CPPED1: variants seen among roughly 807,000 people sequenced by gnomAD.
CPPED1 encodes the protein calcineurin like phosphoesterase domain containing 1.
CPPED1 carries 28 observed loss-of-function variants against 28.0 expected under a neutral mutation model. The observed-to-expected ratio is 1.00, with a 90% confidence interval of 0.74 to 1.37. The LOEUF (loss-of-function observed/expected upper bound fraction) is 1.37. Ranked by LOEUF, CPPED1 falls within the 40% of genes most tolerant of loss-of-function variation. The pLI is 0.00. For missense variants in CPPED1, 504 were observed against 416.5 expected, an observed-to-expected ratio of 1.21 and a Z score of -1.83; for synonymous variants, 198 against 180.2, an observed-to-expected ratio of 1.10 and a Z score of -0.79.
intron 1 of CPPED1, among the ~76,000 whole-genome samples, chr16:12,783,635 C>G (rs984063527): frequency 6.6e-6 from 1 of 152,026 alleles, no homozygotes; most frequent in African/African-American, 2.4e-5. Context: ...GGCCACTTTC[C>G]CACCCATCAC....
At chr16:12,764,294 C>A (rs1330549855) in intron 2 of CPPED1, among the ~76,000 whole-genome samples, 3 of 151,882 alleles carry the variant, frequency 2.0e-5, no homozygotes, top group South Asian at 4.2e-4. Context: ...ACCTCCACTT[C>A]CCAAGTTCAA....
chr16:12,749,077 G>A (rs1841663054), intron 2 of CPPED1, among the ~76,000 whole-genome samples: 1 of 152,092 alleles, frequency 6.6e-6, no homozygotes, highest in Admixed American at 6.6e-5. Flanking sequence ...GCTGAAAGGT[G>A]GGGTGGCTGG....
chr16:12,783,735 T>G (rs2080546335), intron 1 of CPPED1, among the ~76,000 whole-genome samples: 1 of 151,564 alleles, frequency 6.6e-6, no homozygotes, highest in Non-Finnish European at 1.5e-5. Flanking sequence ...AAAAAAAAAG[T>G]GAACAAAAAT....
chr16:12,687,295 A>G (rs895439279), intron 3 of CPPED1, among the ~76,000 whole-genome samples: 6 of 152,218 alleles, frequency 3.9e-5, no homozygotes, highest in African/African-American at 1.2e-4. Context: ...AAATATTAAC[A>G]TCTTGTAAGA....
intron 1 of CPPED1, among the ~76,000 whole-genome samples, chr16:12,798,439 C>T (rs2080639973): frequency 6.6e-6 from 1 of 152,180 alleles, no homozygotes. Flanking sequence ...TTGGAGATAC[C>T]TTTCCAGGTC....
chr16:12,724,530 C>T (rs1486468936), intron 2 of CPPED1, among the ~76,000 whole-genome samples: 2 of 152,184 alleles, frequency 1.3e-5, no homozygotes, highest in African/African-American at 4.8e-5. Flanking sequence ...TACAGCTTCC[C>T]GCACTCATCT....
intron 3 of CPPED1, among the ~76,000 whole-genome samples, chr16:12,672,108 T>C (rs547653976): frequency 4.5e-4 from 68 of 152,262 alleles, no homozygotes; most frequent in Non-Finnish European, 8.1e-4. Flanking sequence ...CATCTAGGTT[T>C]GTGTAAGGAC....
intron 3 of CPPED1, among the ~76,000 whole-genome samples, chr16:12,698,566 G>C (rs2080004410): frequency 6.6e-6 from 1 of 152,106 alleles, no homozygotes; most frequent in South Asian, 2.1e-4. Flanking sequence ...CAAGTAGCTG[G>C]GACTACAGGT....
At chr16:12,787,084 G>A (rs2080568009) in intron 1 of CPPED1, among the ~76,000 whole-genome samples, 1 of 152,132 alleles carries the variant, frequency 6.6e-6, no homozygotes, top group South Asian at 2.1e-4. Flanking sequence ...GCACAACAGA[G>A]AAGTCTGTAT....
chr16:12,755,755 G>C (rs866685341), intron 2 of CPPED1, among the ~76,000 whole-genome samples: 3 of 152,196 alleles, frequency 2.0e-5, no homozygotes, highest in Non-Finnish European at 4.4e-5. Context: ...GTTTGGGACA[G>C]CGTCATGTGA....
chr16:12,724,592 G>A (rs1169820420), intron 2 of CPPED1, among the ~76,000 whole-genome samples: 1 of 152,162 alleles, frequency 6.6e-6, no homozygotes, highest in East Asian at 1.9e-4. Flanking sequence ...CTTCCCTGGT[G>A]CTGTAGATGG....
At chr16:12,737,518 G>A (rs893245318) in intron 2 of CPPED1, among the ~76,000 whole-genome samples, 1 of 152,194 alleles carries the variant, frequency 6.6e-6, no homozygotes, top group African/African-American at 2.4e-5. Context: ...CAGAGCAACC[G>A]GCAGCCCCTG....
intron 2 of CPPED1, among the ~76,000 whole-genome samples, chr16:12,755,907 C>A (rs1479186050): frequency 3.9e-5 from 6 of 151,984 alleles, no homozygotes; most frequent in African/African-American, 1.2e-4. Context: ...TCAAGGCGGG[C>A]GGATCACCTG....
intron 3 of CPPED1, among the ~76,000 whole-genome samples, chr16:12,691,676 G>A (rs1324036055): frequency 6.6e-6 from 1 of 152,034 alleles, no homozygotes; most frequent in African/African-American, 2.4e-5. Context: ...CACGGATGAA[G>A]CTGGAACCCA....
intron 3 of CPPED1, among the ~76,000 whole-genome samples, chr16:12,700,296 GGAAGA>G (rs2080013631): frequency 6.6e-6 from 1 of 152,184 alleles, no homozygotes; most frequent in South Asian, 2.1e-4. Flanking sequence ...GGGGTGCTTG[GGAAGA>G]GAAAGACTGC....
intron 3 of CPPED1, among the ~76,000 whole-genome samples, chr16:12,673,952 G>A (rs761435404): frequency 6.6e-6 from 1 of 152,140 alleles, no homozygotes; most frequent in Non-Finnish European, 1.5e-5. Context: ...GGGAGGCTGA[G>A]AAGGGAGGAT....
intron 2 of CPPED1, among the ~76,000 whole-genome samples, chr16:12,767,446 C>T (rs2080446056): frequency 6.6e-6 from 1 of 152,180 alleles, no homozygotes; most frequent in East Asian, 1.9e-4. Flanking sequence ...TATCTGGGCA[C>T]CTCCTAGCCC....
intron 3 of CPPED1, among the ~76,000 whole-genome samples, chr16:12,686,205 G>A (rs1055710301): frequency 5.3e-5 from 8 of 151,568 alleles, no homozygotes; most frequent in Non-Finnish European, 8.8e-5. Context: ...CATTTGTTTT[G>A]AAGATTGCTT....
intron 2 of CPPED1, among the ~76,000 whole-genome samples, chr16:12,715,826 C>T (rs1048152292): frequency 8.5e-5 from 13 of 152,310 alleles, no homozygotes; most frequent in African/African-American, 2.9e-4. Flanking sequence ...CCACTCTCAG[C>T]CCCAATGGGA....
Sources: gnomAD v4.1 joint callset for allele counts (sites outside exome capture counted in the v4.1 genomes callset) on GRCh38, gnomAD v4.1.1 for gene constraint, MANE v1.5 for transcripts, NCBI Gene and HGNC (gene_info 2026-07-23, HGNC 2026-07-21) for gene names.